GALNT13: variants seen among roughly 807,000 people sequenced by gnomAD.
The protein encoded by GALNT13 is polypeptide N-acetylgalactosaminyltransferase 13.
Under a neutral mutation model 64.2 loss-of-function variants are expected in GALNT13, and 28 were observed. The observed-to-expected ratio is 0.44, with a 90% confidence interval of 0.32 to 0.60. The LOEUF is 0.60. GALNT13 is among the 20% of genes least tolerant of loss of function. GALNT13 has a pLI of 0.05. For missense variants in GALNT13, 577 were observed against 669.8 expected, an observed-to-expected ratio of 0.86 and a Z score of 1.53; for synonymous variants, 214 against 224.6, an observed-to-expected ratio of 0.95 and a Z score of 0.42.
Position 154,395,981 on chromosome 2 carries a change from A to G in GALNT13, c.1157-10A>G. The G allele has an allele frequency of 1.3e-6, 2 of 1,581,948 alleles. No individual in the cohort carries two copies. Among genetic ancestry groups the G allele is most frequent in the Non-Finnish European group, 1.7e-6 (2 of 1,166,880 alleles). ...CACAAACTGATTTGTGTTTCTCTGA[A>G]AAATTCCAGGTGTTGTCAAAGTGGA... On this transcript the variant is annotated splice_polypyrimidine_tract_variant and intron_variant, in intron 9 of 12. Coordinates refer to ENST00000392825, the MANE Select transcript of GALNT13 (RefSeq NM_052917.4).
At chr2:154,135,573 A>G (rs939403740) in intron 3 of GALNT13, among the ~76,000 whole-genome samples, 2 of 152,234 alleles carry the variant, frequency 1.3e-5, no homozygotes, top group Non-Finnish European at 2.9e-5. Flanking sequence ...TGTTTAATTT[A>G]TAGGTTAACT....
intron 4 of GALNT13, among the ~76,000 whole-genome samples, chr2:154,230,706 A>G (rs1688868245): frequency 6.6e-6 from 1 of 152,128 alleles, no homozygotes; most frequent in African/African-American, 2.4e-5. Flanking sequence ...ACATCAGCCT[A>G]GTGTACCCTC....
intron 4 of GALNT13, among the ~76,000 whole-genome samples, chr2:154,210,264 A>G (rs1687690323): frequency 6.6e-6 from 1 of 152,210 alleles, no homozygotes; most frequent in Admixed American, 6.5e-5. Context: ...GATATCATAT[A>G]TTAACTGTTG....
At chr2:153,801,361 A>G in the GALNT13 span, among the ~76,000 whole-genome samples, 41 of 147,854 alleles carry the variant, frequency 2.8e-4, no homozygotes, top group African/African-American at 8.0e-4. Flanking sequence ...AATCATTTCT[A>G]TATTTTTGAT....
At chr2:153,399,989 C>T in the GALNT13 span, among the ~76,000 whole-genome samples, 1 of 151,784 alleles carries the variant, frequency 6.6e-6, no homozygotes, top group Non-Finnish European at 1.5e-5. Context: ...GAGAGGGCAT[C>T]CCTGTCTTGT....
chr2:153,388,456 G>A, the GALNT13 span, among the ~76,000 whole-genome samples: 176 of 152,186 alleles, frequency 1.2e-3, 1 homozygote, highest in Non-Finnish European at 2.3e-3. Context: ...GACTAGTGAT[G>A]AGGAGTGGCT....
chr2:153,627,005 A>C, the GALNT13 span, among the ~76,000 whole-genome samples: 1 of 152,088 alleles, frequency 6.6e-6, no homozygotes, highest in Admixed American at 6.6e-5. Flanking sequence ...TTTGCTGGGA[A>C]CTTCTGGGAA....
chr2:153,414,911 G>A, the GALNT13 span, among the ~76,000 whole-genome samples: 3 of 152,070 alleles, frequency 2.0e-5, no homozygotes, highest in Non-Finnish European at 4.4e-5. Context: ...ACCAGTCAGG[G>A]AGCAGAACTC....
At chr2:153,691,918 A>T in the GALNT13 span, among the ~76,000 whole-genome samples, 668 of 152,274 alleles carry the variant, frequency 4.4e-3, 8 homozygotes, top group African/African-American at 0.015. Context: ...TTAAAAAAAC[A>T]TGGATTATAA....
At chr2:154,117,034 G>A (rs1307759160) in intron 3 of GALNT13, among the ~76,000 whole-genome samples, 1 of 151,966 alleles carries the variant, frequency 6.6e-6, no homozygotes, top group Non-Finnish European at 1.5e-5. Context: ...GATGTTCAAG[G>A]GCAGGAAGCA....
At chr2:154,425,501 T>C (rs1489934123) in intron 11 of GALNT13, among the ~76,000 whole-genome samples, 3 of 152,206 alleles carry the variant, frequency 2.0e-5, no homozygotes, top group Non-Finnish European at 4.4e-5. Flanking sequence ...TGCATGTATG[T>C]TGCCCATTGC....
At chr2:153,545,500 G>T in the GALNT13 span, among the ~76,000 whole-genome samples, 1 of 152,132 alleles carries the variant, frequency 6.6e-6, no homozygotes, top group Non-Finnish European at 1.5e-5. Flanking sequence ...AGAGGAGAAT[G>T]GATATTGGAG....
At chr2:153,471,522 A>C in the GALNT13 span, among the ~76,000 whole-genome samples, 1 of 152,124 alleles carries the variant, frequency 6.6e-6, no homozygotes, top group Non-Finnish European at 1.5e-5. Flanking sequence ...CCTTTTATTA[A>C]GCCCTCTAAA....
At chr2:154,375,399 C>G (rs1356849117) in intron 9 of GALNT13, among the ~76,000 whole-genome samples, 1 of 152,132 alleles carries the variant, frequency 6.6e-6, no homozygotes, top group Non-Finnish European at 1.5e-5. Flanking sequence ...ACTTTAGCAT[C>G]ACCCTCCGGA....
At chr2:154,299,908 A>G (rs1261796671) in intron 8 of GALNT13, among the ~76,000 whole-genome samples, 3 of 151,314 alleles carry the variant, frequency 2.0e-5, no homozygotes, top group African/African-American at 4.9e-5. Context: ...ATTATAAAAT[A>G]AAAAAATAGA....
chr2:153,546,028 ACT>A, the GALNT13 span, among the ~76,000 whole-genome samples: 1 of 151,614 alleles, frequency 6.6e-6, no homozygotes, highest in South Asian at 2.1e-4. Context: ...CTTGGAAGAT[ACT>A]CTCTTCCTCA....
intron 3 of GALNT13, among the ~76,000 whole-genome samples, chr2:153,981,993 T>G (rs1264191868): frequency 6.6e-6 from 1 of 152,128 alleles, no homozygotes; most frequent in Non-Finnish European, 1.5e-5. Context: ...TTTCTTGCTA[T>G]GAAGGGCAAA....
chr2:153,598,214 C>G, the GALNT13 span, among the ~76,000 whole-genome samples: 8 of 152,022 alleles, frequency 5.3e-5, no homozygotes, highest in African/African-American at 1.9e-4. Flanking sequence ...TTAGTATGAC[C>G]AGATATCTGC....
intron 3 of GALNT13, among the ~76,000 whole-genome samples, chr2:154,082,088 T>C (rs1190190617): frequency 6.6e-6 from 1 of 151,766 alleles, no homozygotes; most frequent in Non-Finnish European, 1.5e-5. Context: ...ACAGTGTAAA[T>C]ATAAAGAGAA....
Sources: allele counts gnomAD v4.1 joint callset (sites outside exome capture counted in the v4.1 genomes callset), GRCh38; gene constraint gnomAD v4.1.1; transcripts MANE v1.5; gene names NCBI Gene and HGNC (gene_info 2026-07-23, HGNC 2026-07-21).